The following KYNU variants were observed in gnomAD, a reference collection of about 807,000 sequenced individuals.
KYNU encodes the protein L-kynurenine hydrolase.
In KYNU, 54 loss-of-function variants were observed where a neutral mutation model predicts 59.2. The ratio of observed to expected loss-of-function variants is 0.91; its 90% CI spans 0.73 to 1.14. The LOEUF (loss-of-function observed/expected upper bound fraction) is 1.14. KYNU is among the 50% of genes most tolerant of loss of function. The pLI is 0.00. For synonymous variants in KYNU, 177 were observed against 192.0 expected (o/e 0.92, Z 0.65); for missense variants, 567 against 554.4 (o/e 1.02, Z -0.23).
intron 4 of KYNU, among the ~76,000 whole-genome samples, chr2:142,935,325 C>T (rs1001118136): frequency 2.0e-5 from 3 of 152,162 alleles, no homozygotes; most frequent in Non-Finnish European, 4.4e-5. Context: ...TCTATGGGCA[C>T]CCTTTTTGAG....
chr2:142,912,483 G>A (rs572131559), intron 2 of KYNU, among the ~76,000 whole-genome samples: 5 of 146,364 alleles, frequency 3.4e-5, no homozygotes, highest in Non-Finnish European at 7.4e-5. Context: ...AGGTTCAAGC[G>A]ATTCTCTTGC....
chr2:143,008,121 TAA>T (rs1189983960), intron 10 of KYNU, among the ~76,000 whole-genome samples: 2 of 114,562 alleles, frequency 1.7e-5, no homozygotes, highest in South Asian at 3.1e-4. Context: ...GCAAATTGGA[TAA>T]AGAGTCAAGA....
intron 10 of KYNU, among the ~76,000 whole-genome samples, chr2:143,013,819 T>C (rs1320104640): frequency 6.6e-6 from 1 of 152,222 alleles, no homozygotes; most frequent in Non-Finnish European, 1.5e-5. Context: ...AGGGAGAGGC[T>C]TCGGACCCAC....
At chr2:142,890,586 T>G (rs1174578114) in intron 2 of KYNU, among the ~76,000 whole-genome samples, 1 of 152,136 alleles carries the variant, frequency 6.6e-6, no homozygotes, top group Non-Finnish European at 1.5e-5. Context: ...GAAGTAATCC[T>G]CCTACCTTAG....
intron 4 of KYNU, among the ~76,000 whole-genome samples, chr2:142,932,761 G>A (rs1333050435): frequency 1.7e-5 from 2 of 114,322 alleles, no homozygotes; most frequent in Non-Finnish European, 3.4e-5. Context: ...GTATGTGGGG[G>A]CGGGGGGCGG....
chr2:142,922,948 T>C (rs569168948), intron 3 of KYNU, among the ~76,000 whole-genome samples: 1 of 152,312 alleles, frequency 6.6e-6, no homozygotes, highest in African/African-American at 2.4e-5. Flanking sequence ...TGACTTAGTG[T>C]CTGGTAAGGT....
Position 143,036,284 on chromosome 2 carries a change from C to T in KYNU, c.1041+2963C>T, listed in dbSNP as rs192346764. 1.8e-4 allele frequency among the ~76,000 whole-genome samples: 28 copies of T among 152,074 alleles called. No individual in the cohort carries two copies. In the East Asian group the frequency reaches 4.5e-3, roughly 24 times the overall value. ...CAGCAGTTTTGCCATGAGAGTACACCGAACAAAGGAGACAGGGTCATTTAT... is the reference window on the plus strand; with the variant it reads ...CAGCAGTTTTGCCATGAGAGTACACTGAACAAAGGAGACAGGGTCATTTAT... On this transcript the variant is annotated intron_variant, in intron 12 of 13. Coordinates refer to ENST00000264170, the MANE Select transcript of KYNU (RefSeq NM_003937.3).
chr2:143,029,010 T>C (rs1376299009), intron 10 of KYNU, among the ~76,000 whole-genome samples: 1 of 152,216 alleles, frequency 6.6e-6, no homozygotes, highest in Non-Finnish European at 1.5e-5. Flanking sequence ...TTGACCTTTT[T>C]GAGCTTTTAG....
chr2:142,999,168 G>A (rs1483725932), intron 10 of KYNU, among the ~76,000 whole-genome samples: 1 of 152,050 alleles, frequency 6.6e-6, no homozygotes, highest in African/African-American at 2.4e-5. Flanking sequence ...ACCTGCTCCC[G>A]ATGGTTTTGC....
At chr2:143,033,421 C>G (rs1686813885) in intron 12 of KYNU, 100 bp downstream of exon 12, 1 of 878,290 alleles carries the variant, frequency 1.1e-6, no homozygotes, top group Admixed American at 1.7e-5. Context: ...CAAGATGATA[C>G]ATGTGCACTG....
At chr2:142,934,410 C>T (rs923688752) in intron 4 of KYNU, among the ~76,000 whole-genome samples, 3 of 151,760 alleles carry the variant, frequency 2.0e-5, no homozygotes, top group Non-Finnish European at 4.4e-5. Context: ...TGGGTTGGTG[C>T]GTTGGGTACT....
intron 12 of KYNU, among the ~76,000 whole-genome samples, chr2:143,033,971 T>C (rs1290058944): frequency 6.6e-6 from 1 of 152,092 alleles, no homozygotes; most frequent in Non-Finnish European, 1.5e-5. Flanking sequence ...AATATTTTCC[T>C]TTAAATTAAT....
At chr2:142,959,179 A>G (rs949071840) in intron 7 of KYNU, among the ~76,000 whole-genome samples, 6 of 152,142 alleles carry the variant, frequency 3.9e-5, no homozygotes, top group South Asian at 2.1e-4. Flanking sequence ...ATTGGCAAAT[A>G]CCAAGATAAT....
rs1048545235 is a variant in KYNU at position 142,920,213 on chromosome 2, CAT to C, written c.290+1485_290+1486del. Among the ~76,000 whole-genome samples, 59 of 152,266 alleles carry C rather than the reference CAT, an allele frequency of 3.9e-4. 1 individual carries two copies. The highest frequency in any genetic ancestry group is 3.3e-3 in the Admixed American group (50 of 15,294). ...ATGATAGTTTATATAATTTATTAAT[CAT>C]GTTATAACTTTATCTGCATAACTTT... On this transcript the variant is annotated intron_variant, in intron 3 of 13. Transcript: ENST00000264170.
At chr2:142,918,813 A>G in intron 3 of KYNU, 84 bp downstream of exon 3, 3 of 1,449,058 alleles carry the variant, frequency 2.1e-6, no homozygotes, top group Non-Finnish European at 2.9e-6. Flanking sequence ...ATTTGGAAAG[A>G]TGTGTAATAG....
At chr2:142,882,486 C>A (rs983535944) in intron 1 of KYNU, among the ~76,000 whole-genome samples, 1 of 152,150 alleles carries the variant, frequency 6.6e-6, no homozygotes, top group Non-Finnish European at 1.5e-5. Context: ...CCCATCCCCC[C>A]ACTCCACGAC....
chr2:143,013,180 A>T (rs888431940), intron 10 of KYNU, among the ~76,000 whole-genome samples: 2 of 152,144 alleles, frequency 1.3e-5, no homozygotes, highest in Non-Finnish European at 2.9e-5. Flanking sequence ...TTTACTTAGC[A>T]TAAGGTACTC....
chr2:142,993,908 C>A (rs1238312866), intron 10 of KYNU, among the ~76,000 whole-genome samples: 1 of 151,922 alleles, frequency 6.6e-6, no homozygotes, highest in African/African-American at 2.4e-5. Flanking sequence ...CACTGAAGTC[C>A]TTTGAAACCT....
chr2:143,007,362 G>T (rs1291358334), intron 10 of KYNU, among the ~76,000 whole-genome samples: 1 of 148,252 alleles, frequency 6.7e-6, no homozygotes, highest in Non-Finnish European at 1.5e-5. Flanking sequence ...AGAGAAAAAC[G>T]AATAAAAAGA....
Sources: allele counts gnomAD v4.1 joint callset (sites outside exome capture counted in the v4.1 genomes callset), GRCh38; gene constraint gnomAD v4.1.1; transcripts MANE v1.5; gene names NCBI Gene and HGNC (gene_info 2026-07-23, HGNC 2026-07-21).